The following TNR variants were observed in gnomAD, a reference collection of about 807,000 sequenced individuals.
The protein encoded by TNR is tenascin-R.
In TNR, 45 loss-of-function variants were observed where a neutral mutation model predicts 150.4. The ratio of observed to expected loss-of-function variants is 0.30; its 90% CI spans 0.24 to 0.38. TNR has a LOEUF of 0.38. Ranked by LOEUF, TNR falls within the 10% of genes least tolerant of loss-of-function variation. TNR has a pLI of 1.00. For missense variants in TNR, 1,544 were observed against 1,759.1 expected, an observed-to-expected ratio of 0.88 and a Z score of 2.19; for synonymous variants, 687 against 678.4, an observed-to-expected ratio of 1.01 and a Z score of -0.20.
chr1:175,706,996 A>G (rs552971465), intron 1 of TNR, among the ~76,000 whole-genome samples: 44 of 152,164 alleles, frequency 2.9e-4, no homozygotes, highest in African/African-American at 9.9e-4. Context: ...CGGTGATATG[A>G]CCTCATTGGT....
At chr1:175,731,557 A>G (rs1667642316) in intron 1 of TNR, among the ~76,000 whole-genome samples, 2 of 152,176 alleles carry the variant, frequency 1.3e-5, no homozygotes, top group Admixed American at 6.5e-5. Flanking sequence ...ATTTTCACAA[A>G]ATTATGGACA....
At chr1:175,359,281 G>C (rs1651481892) in intron 15 of TNR, among the ~76,000 whole-genome samples, 2 of 151,234 alleles carry the variant, frequency 1.3e-5, no homozygotes, top group Non-Finnish European at 2.9e-5. Flanking sequence ...AAGTAGCTGG[G>C]ACTACAGGTT....
chr1:175,325,503 C>A (rs1181819043), intron 21 of TNR, among the ~76,000 whole-genome samples: 3 of 152,206 alleles, frequency 2.0e-5, no homozygotes, highest in East Asian at 1.9e-4. Flanking sequence ...TTTGACCCAG[C>A]CATCCCATTA....
chr1:175,627,858 TAAG>T (rs758171142), intron 1 of TNR, among the ~76,000 whole-genome samples: 2 of 152,226 alleles, frequency 1.3e-5, no homozygotes, highest in Non-Finnish European at 2.9e-5. Context: ...TGCAAATTTC[TAAG>T]AAGACTTTGG....
chr1:175,417,295 A>T (rs1010808314), intron 2 of TNR, among the ~76,000 whole-genome samples: 1 of 151,226 alleles, frequency 6.6e-6, no homozygotes, highest in African/African-American at 2.4e-5. Context: ...GTCCAGATGG[A>T]GGGGGATGGT....
intron 2 of TNR, among the ~76,000 whole-genome samples, chr1:175,437,876 G>A (rs1178806193): frequency 6.6e-6 from 1 of 152,156 alleles, no homozygotes; most frequent in Non-Finnish European, 1.5e-5. Flanking sequence ...TGAAATTGAG[G>A]CAATAATTAA....
intron 1 of TNR, among the ~76,000 whole-genome samples, chr1:175,617,461 G>T (rs1482296260): frequency 1.3e-5 from 2 of 152,190 alleles, no homozygotes; most frequent in East Asian, 3.8e-4. Flanking sequence ...GGGTAGAGAC[G>T]ATTTGGTGAC....
intron 14 of TNR, among the ~76,000 whole-genome samples, chr1:175,361,554 A>T (rs540985253): frequency 6.6e-6 from 1 of 152,312 alleles, no homozygotes; most frequent in South Asian, 2.1e-4. Flanking sequence ...TGTGTTTGTG[A>T]AGGAATATTT....
intron 2 of TNR, among the ~76,000 whole-genome samples, chr1:175,487,507 G>A (rs704818): frequency 0.67 from 102,168 of 152,032 alleles, 35,519 homozygotes; most frequent in African/African-American, 0.86. Flanking sequence ...CTTTTCTTCC[G>A]CCCTACCCAT....
intron 1 of TNR, among the ~76,000 whole-genome samples, chr1:175,560,923 CCT>C (rs1480882926): frequency 6.6e-6 from 1 of 152,094 alleles, no homozygotes; most frequent in Non-Finnish European, 1.5e-5. Flanking sequence ...CGATTTTGTT[CCT>C]CTCTGTTGAA....
rs1648971381 is a variant in TNR, at chr1:175,320,362, A to G, written c.*2995T>C. 6.6e-6 allele frequency: 1 copy of G among 152,082 alleles called. No individual in the cohort carries two copies. The highest frequency in any genetic ancestry group is 6.5e-5 in the Admixed American group (1 of 15,276). 9.4% of individuals were successfully genotyped at this position (152,082 alleles called of 1,614,324 possible). A position where few individuals can be genotyped will look rare whatever the true frequency, so the allele number is the denominator to read the frequency against. On this transcript the variant is annotated 3_prime_UTR_variant, in exon 23 of 23. Coordinates refer to ENST00000367674, the MANE Select transcript of TNR (RefSeq NM_003285.3). ...CATGGTGAAAACTCATGAGAAAATCACCCTATTAAATAAAAGGAATCTATA... is the reference window on the plus strand; with the variant it reads ...CATGGTGAAAACTCATGAGAAAATCGCCCTATTAAATAAAAGGAATCTATA...
chr1:175,316,925 T>C lies in TNR; in HGVS notation c.*6432A>G, dbSNP rs1648863504. On this transcript the variant is annotated 3_prime_UTR_variant, in exon 23 of 23. Coordinates refer to ENST00000367674, the MANE Select transcript of TNR (RefSeq NM_003285.3). ...CATCAAAGCCCCCTTGTAAGAATAT[T>C]AGTAAAATCCAAGATGGTGGTCACT... The C allele has an allele frequency of 6.6e-6, 1 of 152,194 alleles. No homozygotes were observed. The highest frequency in any genetic ancestry group is 1.5e-5 in the Non-Finnish European group (1 of 68,024). The allele number at this position is 152,194 out of a possible 1,614,324, so 9.4% of individuals were successfully genotyped here.
At chr1:175,437,620 T>C (rs1311860693) in intron 2 of TNR, among the ~76,000 whole-genome samples, 2 of 152,164 alleles carry the variant, frequency 1.3e-5, no homozygotes, top group Admixed American at 6.5e-5. Flanking sequence ...ACAAAATTGA[T>C]AGACCGCTAG....
At chr1:175,382,346 A>C (rs888907937) in intron 8 of TNR, among the ~76,000 whole-genome samples, 3 of 152,188 alleles carry the variant, frequency 2.0e-5, no homozygotes, top group Non-Finnish European at 4.4e-5. Flanking sequence ...TTGGGGTGAG[A>C]AGGTGCAGAA....
At chr1:175,365,600 C>T (rs934366583) in intron 11 of TNR, among the ~76,000 whole-genome samples, 1 of 152,190 alleles carries the variant, frequency 6.6e-6, no homozygotes. Context: ...TGATTTACTG[C>T]AGCAGGGAAA....
chr1:175,732,386 T>C (rs947927882), intron 1 of TNR, among the ~76,000 whole-genome samples: 1 of 152,224 alleles, frequency 6.6e-6, no homozygotes, highest in African/African-American at 2.4e-5. Flanking sequence ...TGACACTACC[T>C]TGTGAGACTG....
At chr1:175,627,170 C>T (rs1664181084) in intron 1 of TNR, among the ~76,000 whole-genome samples, 1 of 152,214 alleles carries the variant, frequency 6.6e-6, no homozygotes, top group Admixed American at 6.5e-5. Context: ...AGTATTGCTG[C>T]CTCTTGGGCA....
In TNR at chr1:175,376,278, C is replaced by T. The variant is rs944701163; in HGVS notation, c.1963+3274G>A. Among the ~76,000 whole-genome samples, 8 of 152,308 alleles carry T rather than the reference C, an allele frequency of 5.3e-5. No individual in the cohort carries two copies. In the South Asian group the frequency reaches 8.3e-4, roughly 16 times the overall value. Reference sequence around the variant, plus strand: ...ACCTCCTCATCTCTTTCGTCTTCACCACTGTCATCCACTTACTGAGTAGTT... The same window carrying T: ...ACCTCCTCATCTCTTTCGTCTTCACTACTGTCATCCACTTACTGAGTAGTT... On this transcript the variant is annotated intron_variant, in intron 9 of 22. Transcript: ENST00000367674.
chr1:175,617,845 A>C (rs950943960), intron 1 of TNR, among the ~76,000 whole-genome samples: 2 of 152,236 alleles, frequency 1.3e-5, no homozygotes, highest in Non-Finnish European at 2.9e-5. Flanking sequence ...CTTTTAAAAA[A>C]TCTTTATCTT....
Sources: gnomAD v4.1 joint callset for allele counts (sites outside exome capture counted in the v4.1 genomes callset) on GRCh38, gnomAD v4.1.1 for gene constraint, MANE v1.5 for transcripts, NCBI Gene and HGNC (gene_info 2026-07-23, HGNC 2026-07-21) for gene names.